The following RAP1B variants were observed in gnomAD, a reference collection of about 807,000 sequenced individuals.
RAP1B encodes RAP1B, member of RAS oncogene family.
A neutral mutation model predicts 27.5 loss-of-function variants in RAP1B; 1 was observed. That is an observed-to-expected ratio of 0.04 (90% CI 0.01 to 0.17). The LOEUF is 0.17. Ranked by LOEUF, RAP1B falls within the 10% of genes least tolerant of loss-of-function variation. The pLI, the probability that RAP1B is intolerant of heterozygous loss-of-function variation, is 1.00. For missense variants in RAP1B, 84 were observed against 214.8 expected (o/e 0.39, Z 3.81); for synonymous variants, 75 against 73.1 (o/e 1.03, Z -0.13).
intron 1 of RAP1B, among the ~76,000 whole-genome samples, chr12:68,613,294 T>G (rs566888854): frequency 6.6e-6 from 1 of 150,894 alleles, no homozygotes; most frequent in Non-Finnish European, 1.5e-5. Flanking sequence ...GAGGTTCACA[T>G]TGAATGAACC....
intron 3 of RAP1B, among the ~76,000 whole-genome samples, chr12:68,651,392 A>AT (rs1001829575): frequency 2.5e-4 from 38 of 152,266 alleles, no homozygotes; most frequent in African/African-American, 8.4e-4. Context: ...CAAAAAAAAA[A>AT]CTGGAAACTT....
At position 68,662,868 on chromosome 12, in the gene RAP1B, C is replaced by A. The variant is rs2135978456; in HGVS notation, c.*3619C>A. ...TTTTAATTAGCTGGGCATGGTGGTGCACGTCTGTACCTGTAGTCCCAGCTA... is the reference window on the plus strand; with the variant it reads ...TTTTAATTAGCTGGGCATGGTGGTGAACGTCTGTACCTGTAGTCCCAGCTA... On this transcript the variant is annotated 3_prime_UTR_variant, in exon 8 of 8. Coordinates refer to ENST00000250559, the MANE Select transcript of RAP1B (RefSeq NM_001010942.3). 1 of 151,878 alleles carries A rather than the reference C, an allele frequency of 6.6e-6. No individual in the cohort carries two copies. Among genetic ancestry groups the A allele is most frequent in the Admixed American group, 6.6e-5 (1 of 15,234 alleles). The allele number at this position is 151,878 out of a possible 1,614,324, so 9.4% of individuals were successfully genotyped here.
intron 1 of RAP1B, chr12:68,642,584 G>T: frequency 9.4e-7 from 1 of 1,062,908 alleles, no homozygotes; most frequent in Non-Finnish European, 1.5e-6. Context: ...TTCTGGGAAA[G>T]CTTCGTTCAA....
intron 1 of RAP1B, among the ~76,000 whole-genome samples, chr12:68,615,312 GT>G (rs952635305): frequency 3.9e-5 from 6 of 151,988 alleles, no homozygotes; most frequent in East Asian, 1.9e-4. Context: ...AAATGTACCA[GT>G]TTTTTTTAAT....
rs144511879 is a variant in RAP1B, at chr12:68,638,722, G to A, written c.-26-9977G>A. ...TATGCCTAAGCTGGAGTGCAGTGGC[G>A]CAATCTTGGCTCACTGCAGCCTCGG... On this transcript the variant is annotated intron_variant, in intron 1 of 7. Coordinates refer to ENST00000250559, the MANE Select transcript of RAP1B (RefSeq NM_001010942.3). Among the ~76,000 whole-genome samples the A allele has an allele frequency of 2.4e-4, 37 of 152,010 alleles. No homozygotes were observed. In the East Asian group the frequency reaches 6.6e-3, roughly 27 times the overall value.
chr12:68,633,508 C>A (rs957672249), intron 1 of RAP1B, among the ~76,000 whole-genome samples: 7 of 152,146 alleles, frequency 4.6e-5, no homozygotes, highest in African/African-American at 1.7e-4. Flanking sequence ...GTCTTCTGGG[C>A]TTTAATATGT....
chr12:68,657,950 A>T (rs1341918195), intron 7 of RAP1B, among the ~76,000 whole-genome samples: 1 of 151,894 alleles, frequency 6.6e-6, no homozygotes, highest in Non-Finnish European at 1.5e-5. Flanking sequence ...GTTCCAGGAT[A>T]CATGTGCAGG....
intron 7 of RAP1B, among the ~76,000 whole-genome samples, chr12:68,658,466 A>G (rs7299993): frequency 0.065 from 9,833 of 152,274 alleles, 802 homozygotes; most frequent in African/African-American, 0.2. Context: ...AATTATTTCA[A>G]CAGCCACATA....
intron 1 of RAP1B, among the ~76,000 whole-genome samples, chr12:68,622,400 A>G (rs1416869710): frequency 6.6e-6 from 1 of 152,214 alleles, no homozygotes; most frequent in Non-Finnish European, 1.5e-5. Context: ...TACCCTTAAG[A>G]ACCAGTTCCT....
rs368682515 is a variant in RAP1B at position 68,648,717 on chromosome 12, C to G, written c.-8C>G. On this transcript the variant is annotated 5_prime_UTR_variant, in exon 2 of 8. Transcript: ENST00000250559. ...TAATAAGGTACTAGGTTTTGACAAG[C>G]TTGCATCATGCGTGAGTATAAGCTA... 1.9e-6 allele frequency: 3 copies of G among 1,609,222 alleles called. No homozygotes were observed. The highest frequency in any genetic ancestry group is 2.5e-6 in the Non-Finnish European group (3 of 1,178,736).
intron 1 of RAP1B, among the ~76,000 whole-genome samples, chr12:68,612,129 A>C (rs963212743): frequency 1.3e-5 from 2 of 152,194 alleles, no homozygotes; most frequent in African/African-American, 4.8e-5. Flanking sequence ...CACTAAATGA[A>C]GATTGTGATT....
At chr12:68,621,583 T>C (rs1028852700) in intron 1 of RAP1B, 2 of 152,302 alleles carry the variant, frequency 1.3e-5, no homozygotes, top group African/African-American at 4.8e-5. Flanking sequence ...TAATAGGCAA[T>C]GAAGAGGTGA....
intron 7 of RAP1B, among the ~76,000 whole-genome samples, chr12:68,657,929 T>C (rs1203774974): frequency 6.6e-6 from 1 of 152,016 alleles, no homozygotes; most frequent in Non-Finnish European, 1.5e-5. Flanking sequence ...TTTTTTTCCT[T>C]CAACTTTTAA....
chr12:68,644,299 T>G (rs1179187414), intron 1 of RAP1B, among the ~76,000 whole-genome samples: 2 of 151,932 alleles, frequency 1.3e-5, no homozygotes, highest in Non-Finnish European at 2.9e-5. Flanking sequence ...GATTAAAGAG[T>G]GGAACAGTGG....
chr12:68,619,191 A>G (rs1033633976), intron 1 of RAP1B, among the ~76,000 whole-genome samples: 14 of 152,230 alleles, frequency 9.2e-5, no homozygotes, highest in Admixed American at 6.5e-5. Context: ...ACGCTGAATC[A>G]ATCTTCATAT....
rs1875090628 is a variant in RAP1B, at chr12:68,671,445, T to C, written c.*12196T>C. ...ATCAATAGAATAGTTGAATAAATTA[T>C]GATTCATGCATAATATAGAACATTA... On this transcript the variant is annotated 3_prime_UTR_variant, in exon 8 of 8. Coordinates refer to ENST00000250559, the MANE Select transcript of RAP1B (RefSeq NM_001010942.3). 1 of 152,198 alleles carries C rather than the reference T, an allele frequency of 6.6e-6. No homozygotes were observed. Among genetic ancestry groups the C allele is most frequent in the African/African-American group, 2.4e-5 (1 of 41,460 alleles). 9.4% of individuals were successfully genotyped at this position (152,198 alleles called of 1,614,324 possible).
At chr12:68,656,982 C>T (rs1874250945) in intron 6 of RAP1B, 119 bp from the exon 7 acceptor site, 1 of 840,552 alleles carries the variant, frequency 1.2e-6, no homozygotes, top group Non-Finnish European at 1.8e-6. Context: ...CATTCCTTAG[C>T]TGAACAATTC....
chr12:68,631,201 T>C (rs1872211917), intron 1 of RAP1B, among the ~76,000 whole-genome samples: 1 of 152,298 alleles, frequency 6.6e-6, no homozygotes, highest in Middle Eastern at 3.4e-3. Flanking sequence ...ACATAGCAGA[T>C]ACTTAATATC....
At chr12:68,650,339 A>G in intron 2 of RAP1B, 61 bp from the exon 3 acceptor site, 4 of 1,407,270 alleles carry the variant, frequency 2.8e-6, no homozygotes, top group South Asian at 2.7e-5. Context: ...TTACAATTAC[A>G]TTAAAGATTG....
Sources: allele counts gnomAD v4.1 joint callset (sites outside exome capture counted in the v4.1 genomes callset), GRCh38; gene constraint gnomAD v4.1.1; transcripts MANE v1.5; gene names NCBI Gene and HGNC (gene_info 2026-07-23, HGNC 2026-07-21).